Variants in ANKDD1A observed in about 807,000 individuals in gnomAD.
ANKDD1A encodes ankyrin repeat and death domain containing 1A.
ANKDD1A carries 59 observed loss-of-function variants against 63.5 expected under a neutral mutation model. The observed-to-expected ratio is 0.93, with a 90% CI of 0.75 to 1.15. The LOEUF is 1.15. ANKDD1A is among the 50% of genes most tolerant of loss of function. The pLI, the probability that ANKDD1A is intolerant of heterozygous loss-of-function variation, is 0.00. For missense variants in ANKDD1A, 632 were observed against 656.4 expected, an observed-to-expected ratio of 0.96 and a Z score of 0.41; for synonymous variants, 266 against 263.9, an observed-to-expected ratio of 1.01 and a Z score of -0.08.
chr15:64,952,973 T>TTCGTC (rs2085327419), intron 14 of ANKDD1A, among the ~76,000 whole-genome samples: 3 of 116,438 alleles, frequency 2.6e-5, no homozygotes, highest in African/African-American at 6.5e-5. Context: ...TCTTCTTTTC[T>TTCGTC]TCTTGTCTCT....
rs141453147 is a variant in ANKDD1A, at chr15:64,924,750, C to A, written c.367-1316C>A. ...TGATTTCTTTGTTCTTCCTTGTTTT[C>A]CATGACCTTAACCGTTTTGGAGAGT... On this transcript the variant is annotated intron_variant, in intron 4 of 14. Coordinates refer to ENST00000319580, the MANE Select transcript of ANKDD1A (RefSeq NM_182703.6). Among the ~76,000 whole-genome samples the A allele has an allele frequency of 1.6e-3, 248 of 152,312 alleles. 2 individuals are homozygous for A. Among genetic ancestry groups the A allele is most frequent in the African/African-American group, 5.6e-3 (231 of 41,562 alleles).
rs994558567 is a variant in ANKDD1A, at chr15:64,941,294, C to T, written c.868-1173C>T. Among the ~76,000 whole-genome samples, 4 of 152,076 alleles carry T rather than the reference C, an allele frequency of 2.6e-5. No individual in the cohort carries two copies. The South Asian group carries it at 8.3e-4, about 31-fold the overall frequency. On this transcript the variant is annotated intron_variant, in intron 9 of 14. Transcript: ENST00000319580. ...TAGGATTTTTGCGGGGGAGCGGTGT[C>T]CTAGTCCATTTTGTGTTGCTATAAC...
At chr15:64,925,932 T>G in intron 4 of ANKDD1A, 134 bp from the exon 5 acceptor site, 1 of 751,106 alleles carries the variant, frequency 1.3e-6, no homozygotes, top group Non-Finnish European at 2.1e-6. Context: ...CTCGGGTCCA[T>G]TCATCATTTA....
intron 3 of ANKDD1A, among the ~76,000 whole-genome samples, chr15:64,920,489 G>A (rs2085000418): frequency 6.6e-6 from 1 of 152,198 alleles, no homozygotes; most frequent in African/African-American, 2.4e-5. Context: ...GCGCAGGGAT[G>A]TCTCGTGAGG....
intron 6 of ANKDD1A, 88 bp from the exon 7 acceptor site, chr15:64,930,734 C>A: frequency 7.5e-7 from 1 of 1,330,734 alleles, no homozygotes; most frequent in Non-Finnish European, 1.0e-6. Context: ...GTGGCACTGA[C>A]CCAGTGTGCA....
At chr15:64,928,712 A>G (rs1005412359) in intron 6 of ANKDD1A, among the ~76,000 whole-genome samples, 1 of 152,202 alleles carries the variant, frequency 6.6e-6, no homozygotes, top group African/African-American at 2.4e-5. Flanking sequence ...TGGAAGGGCA[A>G]AGTTGCTGTC....
chr15:64,912,969 A>AAG (rs2084942772), intron 1 of ANKDD1A, among the ~76,000 whole-genome samples: 1 of 152,232 alleles, frequency 6.6e-6, no homozygotes, highest in Non-Finnish European at 1.5e-5. Context: ...AGCATGGGCA[A>AAG]AGGCTCAGGT....
At chr15:64,912,368 T>G (rs1463812772) in intron 1 of ANKDD1A, among the ~76,000 whole-genome samples, 2 of 152,172 alleles carry the variant, frequency 1.3e-5, no homozygotes, top group Non-Finnish European at 2.9e-5. Context: ...CACAGGGTGT[T>G]CAAATGAGTT....
intron 14 of ANKDD1A, among the ~76,000 whole-genome samples, chr15:64,953,491 CTTTAGTTCT>C (rs2085342315): frequency 1.0e-5 from 1 of 98,086 alleles, no homozygotes; most frequent in African/African-American, 3.6e-5. Context: ...TCTCCTTCTT[CTTTAGTTCT>C]TCCTCCTCTT....
rs186538156 is a variant in ANKDD1A, at chr15:64,936,853, T to A, written c.867+2619T>A. 2.8e-3 allele frequency among the ~76,000 whole-genome samples: 430 copies of A among 151,944 alleles called. 8 individuals carry two copies. The highest frequency in any genetic ancestry group is 0.011 in the Admixed American group (174 of 15,246). On this transcript the variant is annotated intron_variant, in intron 9 of 14. Coordinates refer to ENST00000319580, the MANE Select transcript of ANKDD1A (RefSeq NM_182703.6). ...AGTGAGACCTTATCTCTAAAAAAAA[T>A]TTTTTAAAAATTCCCACAAATCATT...
intron 14 of ANKDD1A, among the ~76,000 whole-genome samples, chr15:64,954,754 CTTTTTG>C (rs2085397335): frequency 1.5e-5 from 1 of 67,914 alleles, no homozygotes; most frequent in African/African-American, 3.8e-5. Flanking sequence ...CTTCTTCTTT[CTTTTTG>C]TTCTTCTTTC....
intron 14 of ANKDD1A, among the ~76,000 whole-genome samples, chr15:64,954,824 C>A (rs565596049): frequency 6.2e-5 from 9 of 145,846 alleles, no homozygotes; most frequent in East Asian, 2.0e-4. Context: ...TCTTCTCCTT[C>A]TTTTTGTTGT....
chr15:64,953,689 TC>T (rs2085355753), intron 14 of ANKDD1A, among the ~76,000 whole-genome samples: 4 of 79,142 alleles, frequency 5.1e-5, no homozygotes, highest in Non-Finnish European at 9.5e-5. Flanking sequence ...CTTCTCCTTC[TC>T]CCTTCTTCTT....
At chr15:64,936,220 CTAGA>C (rs1352215574) in intron 9 of ANKDD1A, among the ~76,000 whole-genome samples, 3 of 151,990 alleles carry the variant, frequency 2.0e-5, no homozygotes, top group Non-Finnish European at 4.4e-5. Context: ...TTCCAAAGCC[CTAGA>C]AAAGCAAGGA....
chr15:64,953,538 C>CCTTCTTCCTTCTCCTGTT (rs2085345154), intron 14 of ANKDD1A, among the ~76,000 whole-genome samples: 1 of 124,590 alleles, frequency 8.0e-6, no homozygotes, highest in Non-Finnish European at 1.6e-5. Flanking sequence ...CTTCTCCTCT[C>CCTTCTTCCTTCTCCTGTT]CTTCTTCCTT....
At chr15:64,951,032 T>C (rs1247903766) in intron 14 of ANKDD1A, 35 of 1,259,908 alleles carry the variant, frequency 2.8e-5, no homozygotes, top group Non-Finnish European at 3.6e-5. Flanking sequence ...GGGCCAGACC[T>C]TCAGGCACGT....
intron 10 of ANKDD1A, 94 bp from the exon 11 acceptor site, chr15:64,943,390 A>G (rs1430594994): frequency 2.0e-6 from 2 of 1,005,122 alleles, no homozygotes; most frequent in East Asian, 4.8e-5. Flanking sequence ...AAAGACTAGA[A>G]GAAATATACT....
chr15:64,953,957 T>C (rs2085367597), intron 14 of ANKDD1A, among the ~76,000 whole-genome samples: 1 of 4,220 alleles, frequency 2.4e-4, no homozygotes, highest in Non-Finnish European at 5.3e-3. Flanking sequence ...CTTCTATTGT[T>C]TCTTTTTTTC....
chr15:64,951,981 C>G (rs1304379635), intron 14 of ANKDD1A, among the ~76,000 whole-genome samples: 2 of 146,198 alleles, frequency 1.4e-5, no homozygotes, highest in Non-Finnish European at 3.0e-5. Flanking sequence ...CTTCTTCCTT[C>G]TTATTCTTCT....
Sources: allele counts gnomAD v4.1 joint callset (sites outside exome capture counted in the v4.1 genomes callset), GRCh38; gene constraint gnomAD v4.1.1; transcripts MANE v1.5; gene names NCBI Gene and HGNC (gene_info 2026-07-23, HGNC 2026-07-21).